KHDRBS2: variants seen among roughly 807,000 people sequenced by gnomAD.
KHDRBS2 encodes KH RNA binding domain containing, signal transduction associated 2.
Under a neutral mutation model 44.3 loss-of-function variants are expected in KHDRBS2, and 26 were observed. That is an observed-to-expected ratio of 0.59 (90% CI 0.43 to 0.81). The LOEUF is 0.81. Among genes scored for constraint, KHDRBS2 ranks in the 40% least tolerant of loss-of-function variants. The pLI is 0.00. For missense variants in KHDRBS2, 476 were observed against 433.1 expected (o/e 1.10, Z -0.88); for synonymous variants, 194 against 151.1 (o/e 1.28, Z -2.08).
At chr6:61,862,414 C>T (rs992150902) in intron 6 of KHDRBS2, among the ~76,000 whole-genome samples, 8 of 152,118 alleles carry the variant, frequency 5.3e-5, no homozygotes, top group African/African-American at 1.4e-4. Flanking sequence ...AAGAGGAATG[C>T]TGCCAGCTTT....
chr6:61,698,377 T>C (rs1383276188), intron 7 of KHDRBS2, among the ~76,000 whole-genome samples: 2 of 152,166 alleles, frequency 1.3e-5, no homozygotes, highest in Non-Finnish European at 2.9e-5. Context: ...GGTCCTAATG[T>C]TCTATCTAAT....
rs1036025135 is a variant in KHDRBS2 at position 62,102,209 on chromosome 6, T to C, written c.220-54215A>G. On this transcript the variant is annotated intron_variant, in intron 2 of 8. Coordinates refer to ENST00000281156, the MANE Select transcript of KHDRBS2 (RefSeq NM_152688.4). ...TAAACCCAAAGTTTTTAAATATAAT[T>C]AGAGGGTTTCATATGATAGTTGAGT... Among the ~76,000 whole-genome samples the C allele has an allele frequency of 1.3e-5, 2 of 152,202 alleles. 1 individual carries two copies. The highest frequency in any genetic ancestry group is 1.3e-4 in the Admixed American group (2 of 15,276).
chr6:62,107,865 T>C (rs1423333419), intron 2 of KHDRBS2, among the ~76,000 whole-genome samples: 1 of 152,166 alleles, frequency 6.6e-6, no homozygotes, highest in Non-Finnish European at 1.5e-5. Context: ...ATTTAATGAA[T>C]GGTGCTGGGA....
chr6:62,017,581 T>C (rs771908273), intron 3 of KHDRBS2, among the ~76,000 whole-genome samples: 4 of 152,114 alleles, frequency 2.6e-5, no homozygotes, highest in Non-Finnish European at 5.9e-5. Context: ...AGATGATACC[T>C]ACTACTATCT....
intron 4 of KHDRBS2, among the ~76,000 whole-genome samples, chr6:61,956,038 C>T (rs1369718935): frequency 6.6e-6 from 1 of 151,836 alleles, no homozygotes; most frequent in East Asian, 1.9e-4. Context: ...ACTGAAAATA[C>T]AAAAATTAGC....
chr6:62,209,687 C>G (rs1488564055), intron 1 of KHDRBS2, among the ~76,000 whole-genome samples: 1 of 152,150 alleles, frequency 6.6e-6, no homozygotes, highest in Non-Finnish European at 1.5e-5. Flanking sequence ...CAGACCCACC[C>G]TCAATCTGGA....
At chr6:61,705,812 T>A (rs2127547990) in intron 7 of KHDRBS2, among the ~76,000 whole-genome samples, 1 of 151,880 alleles carries the variant, frequency 6.6e-6, no homozygotes, top group Middle Eastern at 3.4e-3. Flanking sequence ...TTTCAATTTT[T>A]TCCTCCTCTG....
the KHDRBS2 span, among the ~76,000 whole-genome samples, chr6:61,606,684 C>A: frequency 6.6e-6 from 1 of 152,098 alleles, no homozygotes; most frequent in Non-Finnish European, 1.5e-5. Flanking sequence ...CAGATGTAAC[C>A]TCACAGGTAG....
intron 2 of KHDRBS2, among the ~76,000 whole-genome samples, chr6:62,104,630 G>C (rs564242353): frequency 7.9e-5 from 12 of 152,094 alleles, no homozygotes; most frequent in African/African-American, 2.4e-4. Flanking sequence ...ATCAGAATTT[G>C]TGGCATATCA....
rs192838762 is a variant in KHDRBS2 at position 62,059,075 on chromosome 6, C to A, written c.220-11081G>T. ...TAGAACTCCACTGAGGGGAAAGGGGCTGTACATAAACAATTATATTGTAGT... is the reference window on the plus strand; with the variant it reads ...TAGAACTCCACTGAGGGGAAAGGGGATGTACATAAACAATTATATTGTAGT... On this transcript the variant is annotated intron_variant, in intron 2 of 8. Transcript: ENST00000281156. Among the ~76,000 whole-genome samples, 17 of 151,260 alleles carry A rather than the reference C, an allele frequency of 1.1e-4. No individual in the cohort carries two copies. The Admixed American group carries it at 1.1e-3, about 10-fold the overall frequency.
At chr6:61,848,937 C>T (rs116695481) in intron 6 of KHDRBS2, among the ~76,000 whole-genome samples, 1,896 of 151,758 alleles carry the variant, frequency 0.012, 32 homozygotes, top group African/African-American at 0.042. Context: ...ATTTCGTTGC[C>T]GGAAAAATTA....
At chr6:62,034,889 C>T (rs1240242672) in intron 3 of KHDRBS2, among the ~76,000 whole-genome samples, 1 of 151,790 alleles carries the variant, frequency 6.6e-6, no homozygotes, top group Non-Finnish European at 1.5e-5. Flanking sequence ...GAAAAGGTGT[C>T]CACATCATTG....
At chr6:61,892,782 C>G (rs924719136) in intron 6 of KHDRBS2, among the ~76,000 whole-genome samples, 3 of 152,152 alleles carry the variant, frequency 2.0e-5, no homozygotes, top group African/African-American at 7.2e-5. Context: ...AATGTTAGAC[C>G]TAATACCATA....
At chr6:61,681,215 AGT>A (rs1368230713) in intron 8 of KHDRBS2, among the ~76,000 whole-genome samples, 155 bp from the exon 9 acceptor site, 4 of 151,968 alleles carry the variant, frequency 2.6e-5, no homozygotes, top group African/African-American at 7.2e-5. Flanking sequence ...CCATCAAAAA[AGT>A]GTGTGTATAT....
chr6:61,950,292 A>G (rs564293737), intron 4 of KHDRBS2, among the ~76,000 whole-genome samples: 2 of 152,196 alleles, frequency 1.3e-5, no homozygotes, highest in South Asian at 4.1e-4. Flanking sequence ...TCAATATATT[A>G]CTTTGGTGTA....
intron 6 of KHDRBS2, among the ~76,000 whole-genome samples, chr6:61,777,291 T>C (rs1462172088): frequency 6.6e-6 from 1 of 151,632 alleles, no homozygotes; most frequent in Non-Finnish European, 1.5e-5. Flanking sequence ...AGTATAATAA[T>C]AATAAAATAT....
intron 8 of KHDRBS2, among the ~76,000 whole-genome samples, chr6:61,688,140 C>T (rs529603858): frequency 6.6e-6 from 1 of 151,862 alleles, no homozygotes; most frequent in South Asian, 2.1e-4. Flanking sequence ...TATCCTGCAG[C>T]TGTAGAATAA....
chr6:61,888,042 A>G (rs1562373536), intron 6 of KHDRBS2, among the ~76,000 whole-genome samples: 1 of 152,204 alleles, frequency 6.6e-6, no homozygotes, highest in Non-Finnish European at 1.5e-5. Context: ...TCAAAAATAT[A>G]TCTATATACT....
At chr6:62,189,999 G>A (rs909287175) in intron 1 of KHDRBS2, among the ~76,000 whole-genome samples, 26 of 152,056 alleles carry the variant, frequency 1.7e-4, no homozygotes, top group Admixed American at 1.5e-3. Flanking sequence ...ATTGATGCTC[G>A]AATTTATAGG....
Sources: gnomAD v4.1 joint callset for allele counts (sites outside exome capture counted in the v4.1 genomes callset) on GRCh38, gnomAD v4.1.1 for gene constraint, MANE v1.5 for transcripts, NCBI Gene and HGNC (gene_info 2026-07-23, HGNC 2026-07-21) for gene names.